Variants in CECR2 observed in about 807,000 individuals in gnomAD.
CECR2 encodes chromatin remodeling regulator CECR2.
CECR2 carries 30 observed loss-of-function variants against 154.5 expected under a neutral mutation model. The observed-to-expected ratio is 0.19, with a 90% confidence interval of 0.15 to 0.26. The LOEUF is 0.26. Among genes scored for constraint, CECR2 ranks in the 10% least tolerant of loss-of-function variants. The pLI is 1.00. For missense variants in CECR2, 1,743 were observed against 1,829.3 expected (o/e 0.95, Z 0.86); for synonymous variants, 725 against 683.7 (o/e 1.06, Z -0.94).
At position 17,554,403 on chromosome 22, in the gene CECR2, C is replaced by T. The variant is rs2056750994; in HGVS notation, c.*1563C>T. On this transcript the variant is annotated 3_prime_UTR_variant, in exon 19 of 19. Transcript: ENST00000262608. ...GTGGGAGGGGCCAGTAGAGTGTTTC[C>T]CTCCAATTCCAGGATTCCTAGTGAA... is the stretch of plus-strand genomic sequence containing the variant. 1 of 152,056 alleles carries T rather than the reference C, an allele frequency of 6.6e-6. No individual in the cohort carries two copies. The highest frequency in any genetic ancestry group is 1.5e-5 in the Non-Finnish European group (1 of 68,012). The allele number at this position is 152,056 out of a possible 1,614,324, so 9.4% of individuals were successfully genotyped here. A position where few individuals can be genotyped will look rare whatever the true frequency, so the allele number is the denominator to read the frequency against.
chr22:17,399,825 C>T (rs1601288729), intron 1 of CECR2, among the ~76,000 whole-genome samples: 1 of 152,148 alleles, frequency 6.6e-6, no homozygotes, highest in East Asian at 1.9e-4. Context: ...TTCATCATTT[C>T]CCAACTTTCA....
At chr22:17,446,240 G>A (rs543654642) in intron 1 of CECR2, among the ~76,000 whole-genome samples, 3 of 152,346 alleles carry the variant, frequency 2.0e-5, no homozygotes, top group African/African-American at 7.2e-5. Flanking sequence ...GTCAGGTGTT[G>A]CGGCACATGC....
At chr22:17,463,874 A>G (rs2054983891) in intron 1 of CECR2, among the ~76,000 whole-genome samples, 1 of 152,074 alleles carries the variant, frequency 6.6e-6, no homozygotes, top group Non-Finnish European at 1.5e-5. Context: ...AAGAGGTCCA[A>G]GGGGTGGTTC....
chr22:17,450,730 C>G (rs1211588072), intron 1 of CECR2, among the ~76,000 whole-genome samples: 1 of 152,222 alleles, frequency 6.6e-6, no homozygotes, highest in Non-Finnish European at 1.5e-5. Context: ...AACCTCTAAT[C>G]CAGTTTTATC....
intron 13 of CECR2, 60 bp downstream of exon 13, chr22:17,539,179 T>C (rs755888801): frequency 5.7e-6 from 9 of 1,580,006 alleles, no homozygotes; most frequent in South Asian, 5.6e-5. Context: ...AAATGCCTTC[T>C]CTTTTACAAA....
chr22:17,440,465 A>G (rs2054568445), intron 1 of CECR2, among the ~76,000 whole-genome samples: 1 of 152,190 alleles, frequency 6.6e-6, no homozygotes, highest in Non-Finnish European at 1.5e-5. Flanking sequence ...GGAAAAGACA[A>G]AGTGCCTCAG....
intron 1 of CECR2, among the ~76,000 whole-genome samples, chr22:17,414,120 C>G (rs564772860): frequency 2.0e-5 from 3 of 152,044 alleles, no homozygotes; most frequent in Non-Finnish European, 4.4e-5. Context: ...CTACAGGTGC[C>G]TGCCACCACG....
In CECR2 at chr22:17,499,400, C is replaced by T. The variant is rs1031496252; in HGVS notation, c.406-10C>T. 1 of 1,604,632 alleles carries T rather than the reference C, an allele frequency of 6.2e-7. No individual in the cohort carries two copies. The highest frequency in any genetic ancestry group is 1.3e-5 in the African/African-American group (1 of 74,464). On this transcript the variant is annotated splice_polypyrimidine_tract_variant and intron_variant, in intron 3 of 18. Transcript: ENST00000262608. ...CATTTCCCCAAACCCCTTTTCCGTG[C>T]TCTGTGTAGGGCCTGGATGCAGACA...
At chr22:17,433,593 G>A (rs1319005872) in intron 1 of CECR2, among the ~76,000 whole-genome samples, 9 of 152,012 alleles carry the variant, frequency 5.9e-5, no homozygotes, top group Non-Finnish European at 7.4e-5. Flanking sequence ...CTACAGGTGC[G>A]CACTGCCATG....
At chr22:17,514,533 GAA>G (rs1449039844) in intron 8 of CECR2, among the ~76,000 whole-genome samples, 1 of 152,076 alleles carries the variant, frequency 6.6e-6, no homozygotes, top group Non-Finnish European at 1.5e-5. Context: ...ACCTTTTAAA[GAA>G]AAAAATTGCA....
rs549043056 is a variant in CECR2 at position 17,506,800 on chromosome 22, T to C, written c.870+1784T>C. On this transcript the variant is annotated intron_variant, in intron 7 of 18. Transcript: ENST00000262608. ...TCCCAAGTAGCTGGGACTATAGGCG[T>C]GCGCCACCATGCCTGGCTAATGTTT... Among the ~76,000 whole-genome samples the C allele has an allele frequency of 3.9e-5, 6 of 152,130 alleles. No homozygotes were observed. In the South Asian group the frequency reaches 1.3e-3, roughly 32 times the overall value.
chr22:17,476,935 G>A (rs767080214), intron 1 of CECR2, among the ~76,000 whole-genome samples: 9 of 152,176 alleles, frequency 5.9e-5, no homozygotes, highest in Admixed American at 2.0e-4. Context: ...TTGGAATACC[G>A]TGTCGAGGCA....
chr22:17,527,785 A>G (rs1805832539), intron 9 of CECR2, among the ~76,000 whole-genome samples: 1 of 150,206 alleles, frequency 6.7e-6, no homozygotes, highest in African/African-American at 2.5e-5. Flanking sequence ...AAAAAAAAAA[A>G]AGCAAACAAG....
chr22:17,389,497 T>G (rs1302394461), intron 1 of CECR2, among the ~76,000 whole-genome samples: 2 of 152,104 alleles, frequency 1.3e-5, no homozygotes, highest in Non-Finnish European at 2.9e-5. Flanking sequence ...TCTTTTGAGG[T>G]GGGGTCTCAC....
At chr22:17,517,846 C>T (rs558246717) in intron 8 of CECR2, among the ~76,000 whole-genome samples, 15 of 152,258 alleles carry the variant, frequency 9.9e-5, no homozygotes, top group Admixed American at 7.8e-4. Flanking sequence ...TTTATCATTG[C>T]GTTTATTCTT....
chr22:17,466,598 C>CCTTTTTT (rs555359003), intron 1 of CECR2, among the ~76,000 whole-genome samples: 11,842 of 139,828 alleles, frequency 0.085, 587 homozygotes, highest in Middle Eastern at 0.12. Context: ...AAAACCTTGC[C>CCTTTTTT]TTTTTTTTTT....
At position 17,552,142 on chromosome 22, in the gene CECR2, G is replaced by A; in HGVS notation, c.4389G>A (p.Gln1463=). 2 of 1,613,156 alleles carry A rather than the reference G, an allele frequency of 1.2e-6. No individual in the cohort carries two copies. The highest frequency in any genetic ancestry group is 8.5e-7 in the Non-Finnish European group (1 of 1,179,182). The change falls in exon 18 of 19, where the codon CAG becomes CAA. Residue 1463 remains glutamine (Q), a splice_region_variant and synonymous_variant. Transcript: ENST00000262608. ...AGCCTCCAACACTTCCCCTGGATCA[G>A]GTAAGGATCACTAAAAATTAGAGCT... ...PHKPPTLPLD[Q]S is the part of the protein sequence containing the mutation.
At chr22:17,444,152 G>A (rs531936340) in intron 1 of CECR2, among the ~76,000 whole-genome samples, 2 of 152,152 alleles carry the variant, frequency 1.3e-5, no homozygotes, top group South Asian at 2.1e-4. Flanking sequence ...CAGTCATCTT[G>A]TCACCCTCTC....
intron 8 of CECR2, among the ~76,000 whole-genome samples, chr22:17,523,201 G>A (rs930136251): frequency 6.6e-6 from 1 of 151,944 alleles, no homozygotes; most frequent in Non-Finnish European, 1.5e-5. Flanking sequence ...TGGCCAACAT[G>A]GCGAAACCCC....
Sources: gnomAD v4.1 joint callset for allele counts (sites outside exome capture counted in the v4.1 genomes callset) on GRCh38, gnomAD v4.1.1 for gene constraint, MANE v1.5 for transcripts, NCBI Gene and HGNC (gene_info 2026-07-23, HGNC 2026-07-21) for gene names.